Variants in FTO observed in about 807,000 individuals in gnomAD.
FTO encodes alpha-ketoglutarate-dependent dioxygenase FTO.
A neutral mutation model predicts 63.9 loss-of-function variants in FTO; 47 were observed. That is an observed-to-expected ratio of 0.74 (90% CI 0.58 to 0.94). The LOEUF is 0.94. Ranked by LOEUF, FTO falls within the 40% of genes least tolerant of loss-of-function variation. The pLI, the probability that FTO is intolerant of heterozygous loss-of-function variation, is 0.00. For missense variants in FTO, 562 were observed against 618.1 expected (o/e 0.91, Z 0.96); for synonymous variants, 207 against 224.4 (o/e 0.92, Z 0.69).
At chr16:54,099,964 C>A (rs1282588167) in intron 8 of FTO, among the ~76,000 whole-genome samples, 1 of 152,176 alleles carries the variant, frequency 6.6e-6, no homozygotes. Context: ...TCCCCCACCG[C>A]AACCCACCTT....
intron 1 of FTO, among the ~76,000 whole-genome samples, chr16:53,747,126 A>G (rs1232503300): frequency 6.6e-6 from 1 of 152,176 alleles, no homozygotes; most frequent in Non-Finnish European, 1.5e-5. Flanking sequence ...ACTTTGGTTG[A>G]TTCCATAAGT....
At chr16:54,070,037 T>A (rs1334840334) in intron 8 of FTO, 1 of 152,150 alleles carries the variant, frequency 6.6e-6, no homozygotes, top group Non-Finnish European at 1.5e-5. Flanking sequence ...TAACAGGTTA[T>A]CTCATTAAAT....
intron 8 of FTO, among the ~76,000 whole-genome samples, chr16:53,986,416 C>T (rs544622667): frequency 3.9e-5 from 6 of 152,286 alleles, no homozygotes; most frequent in South Asian, 2.1e-4. Context: ...CATGTGTCCC[C>T]GCCACTTTGC....
At chr16:54,039,191 C>T (rs117309839) in intron 8 of FTO, among the ~76,000 whole-genome samples, 2,901 of 152,294 alleles carry the variant, frequency 0.019, 43 homozygotes, top group Non-Finnish European at 0.028. Flanking sequence ...AACTCCCAGA[C>T]CCCAGGAAGC....
chr16:53,915,097 C>G, intron 7 of FTO, among the ~76,000 whole-genome samples: 1 of 152,158 alleles, frequency 6.6e-6, no homozygotes, highest in East Asian at 1.9e-4. Flanking sequence ...GTGCACCCAA[C>G]CATAAGACGG....
intron 7 of FTO, among the ~76,000 whole-genome samples, chr16:53,894,390 G>T (rs1431652091): frequency 6.6e-6 from 1 of 152,128 alleles, no homozygotes; most frequent in Non-Finnish European, 1.5e-5. Context: ...GATTAATGAA[G>T]TTCTCATCAC....
At chr16:53,952,989 G>T (rs2082834001) in intron 8 of FTO, among the ~76,000 whole-genome samples, 1 of 152,156 alleles carries the variant, frequency 6.6e-6, no homozygotes, top group Non-Finnish European at 1.5e-5. Context: ...GTTAAGGTAT[G>T]GAGAAATGGA....
intron 8 of FTO, among the ~76,000 whole-genome samples, chr16:54,088,663 G>A (rs1298210110): frequency 6.6e-6 from 1 of 152,144 alleles, no homozygotes; most frequent in Admixed American, 6.5e-5. Context: ...TTCAATAGGG[G>A]GAAAATGAGA....
chr16:53,870,901 TTA>T (rs746906511), intron 4 of FTO, among the ~76,000 whole-genome samples: 4 of 152,194 alleles, frequency 2.6e-5, no homozygotes, highest in Non-Finnish European at 4.4e-5. Context: ...TGAAAAGTCT[TTA>T]TTTCACTTTT....
intron 8 of FTO, among the ~76,000 whole-genome samples, chr16:53,965,306 C>A (rs1246775633): frequency 6.6e-6 from 1 of 152,150 alleles, no homozygotes; most frequent in Non-Finnish European, 1.5e-5. Context: ...GAACTCCTGA[C>A]CTTGTGATCC....
At chr16:54,005,880 G>GTAAGCATCA (rs1440461194) in intron 8 of FTO, among the ~76,000 whole-genome samples, 1 of 152,168 alleles carries the variant, frequency 6.6e-6, no homozygotes, top group Non-Finnish European at 1.5e-5. Flanking sequence ...ATATATAAAG[G>GTAAGCATCA]TAAGCATCAA....
chr16:53,883,701 G>A (rs1468250659), intron 6 of FTO, among the ~76,000 whole-genome samples: 1 of 150,722 alleles, frequency 6.6e-6, no homozygotes, highest in African/African-American at 2.4e-5. Context: ...TTATGTGTTA[G>A]GGAGGTGGGG....
intron 7 of FTO, among the ~76,000 whole-genome samples, chr16:53,921,948 T>C (rs1346587771): frequency 6.6e-6 from 1 of 152,206 alleles, no homozygotes; most frequent in African/African-American, 2.4e-5. Context: ...GCTAGAGATT[T>C]AAAGAATTAG....
intron 1 of FTO, among the ~76,000 whole-genome samples, chr16:53,719,013 A>G (rs1482422848): frequency 6.6e-6 from 1 of 152,170 alleles, no homozygotes; most frequent in Non-Finnish European, 1.5e-5. Flanking sequence ...AGCCTAATAA[A>G]GCATTTTTGG....
At chr16:53,882,592 A>T (rs1415363891) in intron 6 of FTO, among the ~76,000 whole-genome samples, 1 of 152,110 alleles carries the variant, frequency 6.6e-6, no homozygotes, top group Non-Finnish European at 1.5e-5. Context: ...AGTATGTTTG[A>T]GTGAAGGGAG....
chr16:53,861,394 C>A (rs1011611469), intron 4 of FTO, among the ~76,000 whole-genome samples: 2 of 152,072 alleles, frequency 1.3e-5, no homozygotes, highest in Admixed American at 6.6e-5. Context: ...TGAAAATATG[C>A]TATTATTTTA....
intron 1 of FTO, among the ~76,000 whole-genome samples, chr16:53,724,489 A>T (rs577580160): frequency 1.1e-4 from 16 of 152,234 alleles, no homozygotes; most frequent in Non-Finnish European, 1.9e-4. Context: ...GATGGGGGCC[A>T]CTAGGGCTCT....
At chr16:53,817,612 G>T (rs2078733213) in intron 2 of FTO, among the ~76,000 whole-genome samples, 1 of 151,940 alleles carries the variant, frequency 6.6e-6, no homozygotes. Flanking sequence ...GAGTTCCACT[G>T]GGCTTCATTT....
At chr16:54,105,956 G>A (rs1441883899) in intron 8 of FTO, among the ~76,000 whole-genome samples, 1 of 151,924 alleles carries the variant, frequency 6.6e-6, no homozygotes, top group Non-Finnish European at 1.5e-5. Context: ...GACCGTGTAT[G>A]TTTTCTTAAA....
Sources: gnomAD v4.1 joint callset for allele counts (sites outside exome capture counted in the v4.1 genomes callset) on GRCh38, gnomAD v4.1.1 for gene constraint, MANE v1.5 for transcripts, NCBI Gene and HGNC (gene_info 2026-07-23, HGNC 2026-07-21) for gene names.